The following DOCK4 variants were observed in gnomAD, a reference collection of about 807,000 sequenced individuals.
The protein encoded by DOCK4 is dedicator of cytokinesis protein 4.
A neutral mutation model predicts 268.1 loss-of-function variants in DOCK4; 97 were observed. The ratio of observed to expected loss-of-function variants is 0.36; its 90% CI spans 0.31 to 0.43. The LOEUF (loss-of-function observed/expected upper bound fraction) is 0.43, where lower values mean the gene tolerates loss of function less well. DOCK4 is among the 20% of genes least tolerant of loss of function. The probability of loss-of-function intolerance (pLI) is 1.00; values close to 1 mark genes in which losing one functional copy is unlikely to be tolerated. For synonymous variants in DOCK4, 954 were observed against 887.2 expected (o/e 1.08, Z -1.34); for missense variants, 2,145 against 2,455.7 (o/e 0.87, Z 2.67).
Position 111,728,686 on chromosome 7 carries a change from T to C in DOCK4, c.5516A>G (p.Glu1839Gly). 6.2e-7 allele frequency: 1 copy of C among 1,613,574 alleles called. No homozygotes were observed. The highest frequency in any genetic ancestry group is 1.1e-5 in the South Asian group (1 of 91,030). ...SVQSFTPSPV[E>G]YHSPGLISNS... ...GGAGATGAGTCCTGGCGAGTGGTAC[T>C]CCACTGGAGAGGGGGTGAAAGACTG... Residue 1839 changes from glutamate (E) to glycine (G), a missense_variant, in exon 53 of 53, where the codon GAG (glutamate) becomes GGG (glycine). This residue lies in a region of DOCK4 where 547 missense variants were observed against 469.0 expected (regional missense o/e 1.17). Coordinates refer to ENST00000428084, the MANE Select transcript of DOCK4 (RefSeq NM_001363540.2).
chr7:111,934,229 G>A lies in DOCK4; in HGVS notation c.1066+1311C>T, dbSNP rs541312719. On this transcript the variant is annotated intron_variant, in intron 12 of 52. Coordinates refer to ENST00000428084, the MANE Select transcript of DOCK4 (RefSeq NM_001363540.2). ...AACAAACAATATTCACCAAGTTTTT[G>A]TCTACTGACCAAACCTAAAGATGTC... Among the ~76,000 whole-genome samples, 8 of 152,226 alleles carry A rather than the reference G, an allele frequency of 5.3e-5. No homozygotes were observed. The South Asian group carries it at 1.0e-3, about 20-fold the overall frequency.
At chr7:111,842,038 A>T (rs1009597421) in intron 25 of DOCK4, among the ~76,000 whole-genome samples, 1 of 152,210 alleles carries the variant, frequency 6.6e-6, no homozygotes, top group African/African-American at 2.4e-5. Context: ...TATTGCCAGG[A>T]AGCAATTAAA....
intron 16 of DOCK4, among the ~76,000 whole-genome samples, chr7:111,885,976 G>C (rs1807808431): frequency 6.6e-6 from 1 of 152,140 alleles, no homozygotes; most frequent in Admixed American, 6.6e-5. Flanking sequence ...TTATGTTCTA[G>C]GCTACTTTTT....
chr7:111,828,070 G>A (rs1273255353), intron 26 of DOCK4, among the ~76,000 whole-genome samples: 1 of 152,062 alleles, frequency 6.6e-6, no homozygotes, highest in East Asian at 1.9e-4. Flanking sequence ...CCAAGGATAT[G>A]GACAAAACTG....
At chr7:111,808,629 T>G (rs746261388) in intron 30 of DOCK4, 192 bp downstream of exon 30, 1 of 525,540 alleles carries the variant, frequency 1.9e-6, no homozygotes. Context: ...GTGACTTTTC[T>G]TAGAGACCAA....
At chr7:112,172,562 C>T (rs1018474824) in intron 1 of DOCK4, among the ~76,000 whole-genome samples, 3 of 152,086 alleles carry the variant, frequency 2.0e-5, no homozygotes, top group Admixed American at 1.3e-4. Context: ...AGGTAAAAAT[C>T]GGGCAATAGT....
At chr7:111,991,435 A>G (rs919247398) in intron 5 of DOCK4, among the ~76,000 whole-genome samples, 2 of 152,366 alleles carry the variant, frequency 1.3e-5, no homozygotes, top group Admixed American at 6.5e-5. Context: ...TGCTAAATGA[A>G]AACAGTTAGG....
intron 15 of DOCK4, among the ~76,000 whole-genome samples, chr7:111,896,524 A>C (rs1808772163): frequency 6.6e-6 from 1 of 151,018 alleles, no homozygotes; most frequent in Non-Finnish European, 1.5e-5. Flanking sequence ...AAATGGAGAA[A>C]GCATTAACAG....
At chr7:112,179,960 C>T (rs1009148809) in intron 1 of DOCK4, among the ~76,000 whole-genome samples, 2 of 152,016 alleles carry the variant, frequency 1.3e-5, no homozygotes, top group Non-Finnish European at 1.5e-5. Context: ...AGTTTTAAAA[C>T]GGGGTGGAGT....
chr7:112,161,268 T>C (rs1817099250), intron 1 of DOCK4, among the ~76,000 whole-genome samples: 1 of 152,220 alleles, frequency 6.6e-6, no homozygotes, highest in South Asian at 2.1e-4. Context: ...TAAAACTTGC[T>C]GCACTTGTTT....
intron 49 of DOCK4, among the ~76,000 whole-genome samples, chr7:111,738,505 C>A (rs1421215886): frequency 2.0e-5 from 3 of 152,232 alleles, no homozygotes; most frequent in Non-Finnish European, 4.4e-5. Context: ...ATACACAGGG[C>A]ATGCAAACAC....
intron 1 of DOCK4, among the ~76,000 whole-genome samples, chr7:112,176,543 T>G (rs537803143): frequency 6.6e-5 from 10 of 152,304 alleles, no homozygotes; most frequent in African/African-American, 2.4e-4. Context: ...CAGAAAAATG[T>G]ATTGGAAAAA....
chr7:112,177,545 A>G (rs1818639236), intron 1 of DOCK4, among the ~76,000 whole-genome samples: 1 of 152,174 alleles, frequency 6.6e-6, no homozygotes, highest in South Asian at 2.1e-4. Flanking sequence ...TCCTCACATC[A>G]TTCCTCAAAA....
intron 52 of DOCK4, among the ~76,000 whole-genome samples, chr7:111,731,526 C>T (rs772127590): frequency 1.1e-5 from 1 of 94,000 alleles, no homozygotes; most frequent in Admixed American, 1.3e-4. Context: ...TCCTTGAAGC[C>T]GGTCTGATTC....
At chr7:111,917,440 G>A (rs1792703216) in intron 12 of DOCK4, among the ~76,000 whole-genome samples, 2 of 152,076 alleles carry the variant, frequency 1.3e-5, no homozygotes, top group South Asian at 4.1e-4. Flanking sequence ...CTGGCCGGGT[G>A]CGGTGGCTCA....
intron 25 of DOCK4, among the ~76,000 whole-genome samples, chr7:111,837,727 G>C (rs1302122839): frequency 6.6e-6 from 1 of 152,054 alleles, no homozygotes; most frequent in Non-Finnish European, 1.5e-5. Flanking sequence ...CTGAGGGGTG[G>C]AGTTAAATAC....
chr7:112,119,383 C>T (rs1700890431), intron 1 of DOCK4, among the ~76,000 whole-genome samples: 2 of 152,106 alleles, frequency 1.3e-5, no homozygotes, highest in South Asian at 4.1e-4. Flanking sequence ...ATGTCCAGGG[C>T]AAGACAACAC....
chr7:112,060,296 T>C (rs1806278484), intron 1 of DOCK4, among the ~76,000 whole-genome samples: 1 of 152,186 alleles, frequency 6.6e-6, no homozygotes, highest in Admixed American at 6.5e-5. Flanking sequence ...GAATGGCTTC[T>C]ATCAAAAAAA....
At chr7:111,903,659 T>A (rs1159466576) in intron 13 of DOCK4, among the ~76,000 whole-genome samples, 1 of 152,198 alleles carries the variant, frequency 6.6e-6, no homozygotes, top group Non-Finnish European at 1.5e-5. Flanking sequence ...GCAAATCAAC[T>A]GACTTCAACA....
Sources: gnomAD v4.1 joint callset for allele counts (sites outside exome capture counted in the v4.1 genomes callset) on GRCh38, gnomAD v4.1.1 for gene constraint, gnomAD v4.1.1 regional missense constraint, MANE v1.5 for transcripts, NCBI Gene and HGNC (gene_info 2026-07-23, HGNC 2026-07-21) for gene names.